The following CRYBG1 variants were observed in gnomAD, a reference collection of about 807,000 sequenced individuals.
The protein encoded by CRYBG1 is crystallin beta-gamma domain containing 1.
CRYBG1 carries 139 observed loss-of-function variants against 189.2 expected under a neutral mutation model. The ratio of observed to expected loss-of-function variants is 0.73; its 90% CI spans 0.64 to 0.85. CRYBG1 has a LOEUF of 0.85. Ranked by LOEUF, CRYBG1 falls within the 40% of genes least tolerant of loss-of-function variation. The pLI, the probability that CRYBG1 is intolerant of heterozygous loss-of-function variation, is 0.00. For synonymous variants in CRYBG1, 1,023 were observed against 1,017.1 expected (o/e 1.01, Z -0.11); for missense variants, 2,611 against 2,675.8 (o/e 0.98, Z 0.53).
chr6:106,507,257 A>G (rs1389032900), intron 2 of CRYBG1, among the ~76,000 whole-genome samples: 1 of 152,238 alleles, frequency 6.6e-6, no homozygotes, highest in Non-Finnish European at 1.5e-5. Flanking sequence ...CCACCTCTAC[A>G]ATAGTCCTGT....
chr6:106,538,892 CAA>C (rs56951856), intron 8 of CRYBG1, among the ~76,000 whole-genome samples: 1 of 147,082 alleles, frequency 6.8e-6, no homozygotes. Flanking sequence ...AAGACTCCGT[CAA>C]AAAAAAAAAA....
intron 2 of CRYBG1, among the ~76,000 whole-genome samples, chr6:106,472,877 C>A (rs1459071168): frequency 2.7e-5 from 4 of 146,982 alleles, no homozygotes; most frequent in Admixed American, 6.9e-5. Flanking sequence ...GCACTCCAGG[C>A]TGGGCAACAG....
chr6:106,508,917 CAAAAAAAA>C (rs67365041), intron 2 of CRYBG1, among the ~76,000 whole-genome samples: 11 of 143,224 alleles, frequency 7.7e-5, no homozygotes, highest in Admixed American at 2.8e-4. Context: ...ATCTAATAGC[CAAAAAAAA>C]AAAAAAAAAA....
intron 17 of CRYBG1, 143 bp from the exon 18 acceptor site, chr6:106,558,343 C>A (rs1224053133): frequency 4.8e-6 from 3 of 624,214 alleles, no homozygotes; most frequent in African/African-American, 1.9e-5. Flanking sequence ...CACAAACATC[C>A]AGGCTCCCTT....
At chr6:106,546,008 T>C (rs932475463) in intron 13 of CRYBG1, among the ~76,000 whole-genome samples, 8 of 152,230 alleles carry the variant, frequency 5.3e-5, no homozygotes, top group Non-Finnish European at 1.0e-4. Flanking sequence ...TGGAAAGAGC[T>C]TCTCTTTCTC....
chr6:106,570,122 C>CT lies in CRYBG1; in HGVS notation c.*1561dup. On this transcript the variant is annotated 3_prime_UTR_variant, in exon 22 of 22. Coordinates refer to ENST00000633556, the MANE Select transcript of CRYBG1 (RefSeq NM_001371242.2). The stretch of plus-strand genomic sequence containing the variant: ...ACATTTCCTTGAATATATTCTTCCT[C>CT]TTTTTGTCCTCATCACTCAATACTG... The CT allele has an allele frequency of 6.6e-6, 1 of 152,348 alleles. No homozygotes were observed. Among genetic ancestry groups the CT allele is most frequent in the East Asian group, 1.9e-4 (1 of 5,186 alleles). The allele number at this position is 152,348 out of a possible 1,614,324, so 9.4% of individuals were successfully genotyped here.
chr6:106,398,827 G>A (rs1770664801), intron 1 of CRYBG1, among the ~76,000 whole-genome samples: 1 of 152,002 alleles, frequency 6.6e-6, no homozygotes, highest in African/African-American at 2.4e-5. Flanking sequence ...TTTGTTTATA[G>A]GCCTGTTTCT....
intron 7 of CRYBG1, among the ~76,000 whole-genome samples, chr6:106,527,800 C>T (rs1433529487): frequency 6.6e-6 from 1 of 151,906 alleles, no homozygotes; most frequent in Non-Finnish European, 1.5e-5. Flanking sequence ...TTTTTGTTTG[C>T]TGTATGAGTT....
At chr6:106,449,543 A>G (rs899709034) in intron 1 of CRYBG1, 3 of 152,250 alleles carry the variant, frequency 2.0e-5, no homozygotes, top group Non-Finnish European at 2.9e-5. Context: ...CTTCTTTGGC[A>G]TATTTGTGAG....
In CRYBG1 at chr6:106,361,054, C is replaced by G; in HGVS notation, c.146C>G (p.Pro49Arg). ...GACTGTGGGGTGTTCGTTCCGCACCCGCTCCCGGCGCCTGCCGGAGAGGCC... is the reference window on the plus strand; with the variant it reads ...GACTGTGGGGTGTTCGTTCCGCACCGGCTCCCGGCGCCTGCCGGAGAGGCC... ...PPDCGVFVPH[P>R]LPAPAGEARA... Residue 49 changes from proline (P) to arginine (R), a missense_variant, in exon 1 of 22, where the codon CCG becomes CGG. By Grantham distance (103) the Pro-to-Arg change is moderately radical. Around this residue, in one of 3 missense-constraint regions of CRYBG1, gnomAD observed 985 missense variants for 924.4 expected, o/e 1.07. Transcript: ENST00000633556. 1.3e-6 allele frequency: 2 copies of G among 1,534,790 alleles called. No individual in the cohort carries two copies. The highest frequency in any genetic ancestry group is 1.7e-6 in the Non-Finnish European group (2 of 1,146,492).
At chr6:106,516,256 C>T (rs990441928) in intron 3 of CRYBG1, among the ~76,000 whole-genome samples, 1 of 149,494 alleles carries the variant, frequency 6.7e-6, no homozygotes, top group Non-Finnish European at 1.5e-5. Flanking sequence ...TTTTTTTAGA[C>T]AGAGTCTCAC....
chr6:106,448,688 T>C (rs1264093222), intron 1 of CRYBG1, among the ~76,000 whole-genome samples: 1 of 152,198 alleles, frequency 6.6e-6, no homozygotes, highest in Admixed American at 6.5e-5. Context: ...AAGACAAAGC[T>C]AGGGAGAGGA....
intron 3 of CRYBG1, among the ~76,000 whole-genome samples, chr6:106,515,756 A>AATTTATTTATTT (rs71726144): frequency 4.2e-5 from 6 of 141,330 alleles, no homozygotes; most frequent in Admixed American, 1.4e-4. Context: ...GCAGAGATCA[A>AATTTATTTATTT]ATTTATTTAT....
At chr6:106,461,245 CT>C (rs75280008) in intron 2 of CRYBG1, among the ~76,000 whole-genome samples, 36,385 of 152,074 alleles carry the variant, frequency 0.24, 4,520 homozygotes, top group Middle Eastern at 0.39. Flanking sequence ...TCCAGGAATA[CT>C]TGAGTGGTAA....
At chr6:106,369,324 T>C (rs981159544) in intron 1 of CRYBG1, among the ~76,000 whole-genome samples, 1 of 152,230 alleles carries the variant, frequency 6.6e-6, no homozygotes, top group Non-Finnish European at 1.5e-5. Flanking sequence ...TGAGTAAAAG[T>C]AGGTTGGTGT....
intron 2 of CRYBG1, among the ~76,000 whole-genome samples, chr6:106,484,404 C>T (rs1772550190): frequency 6.6e-6 from 1 of 152,104 alleles, no homozygotes; most frequent in African/African-American, 2.4e-5. Context: ...AGCAATCCTC[C>T]AGCCTCAGCC....
At position 106,512,317 on chromosome 6, in the gene CRYBG1, G is replaced by T. The variant is rs550678787; in HGVS notation, c.1200G>T (p.Ala400=). Residue 400 remains alanine (A), a synonymous_variant, in exon 3 of 22, where the codon GCG becomes GCT. Transcript: ENST00000633556. The part of the protein sequence containing the change: ...VDEPVVITPR[A]EDCGDWDDME... ...AGCCGGTCGTGATTACTCCCAGAGCGGAAGATTGCGGTGACTGGGACGACA... is the reference window on the plus strand; with the variant it reads ...AGCCGGTCGTGATTACTCCCAGAGCTGAAGATTGCGGTGACTGGGACGACA... The T allele has an allele frequency of 3.4e-5, 54 of 1,605,354 alleles. 1 individual carries two copies. In the Middle Eastern group the frequency reaches 1.3e-3, roughly 39 times the overall value.
intron 2 of CRYBG1, among the ~76,000 whole-genome samples, chr6:106,487,810 C>T (rs1772625485): frequency 6.6e-6 from 1 of 152,078 alleles, no homozygotes; most frequent in African/African-American, 2.4e-5. Context: ...TCATAAATAT[C>T]ATTTTTGGGA....
At chr6:106,436,307 T>A (rs1434332427) in intron 1 of CRYBG1, among the ~76,000 whole-genome samples, 1 of 151,294 alleles carries the variant, frequency 6.6e-6, no homozygotes, top group East Asian at 1.9e-4. Flanking sequence ...TTTTTTTTTT[T>A]TTTTTTTTTG....
Sources: allele counts gnomAD v4.1 joint callset (sites outside exome capture counted in the v4.1 genomes callset), GRCh38; gene constraint gnomAD v4.1.1; regional missense constraint gnomAD v4.1.1; transcripts MANE v1.5; gene names NCBI Gene and HGNC (gene_info 2026-07-23, HGNC 2026-07-21).